Variants in HSPA12A observed in about 807,000 individuals in gnomAD.
HSPA12A encodes the protein heat shock 70 kDa protein 12A.
In HSPA12A, 28 loss-of-function variants were observed where a neutral mutation model predicts 69.2. The observed-to-expected ratio is 0.40, with a 90% CI of 0.30 to 0.55. The LOEUF is 0.55. Ranked by LOEUF, HSPA12A falls within the 20% of genes least tolerant of loss-of-function variation. The pLI is 0.38. For missense variants in HSPA12A, 686 were observed against 900.7 expected, an observed-to-expected ratio of 0.76 and a Z score of 3.05; for synonymous variants, 345 against 370.5, an observed-to-expected ratio of 0.93 and a Z score of 0.79.
intron 2 of HSPA12A, among the ~76,000 whole-genome samples, chr10:116,816,627 A>G (rs1367074180): frequency 6.6e-6 from 1 of 152,184 alleles, no homozygotes; most frequent in Non-Finnish European, 1.5e-5. Flanking sequence ...CTCACGTAAA[A>G]CAGCCCCGAC....
At chr10:116,695,862 G>C (rs530456002) in intron 5 of HSPA12A, among the ~76,000 whole-genome samples, 13 of 151,394 alleles carry the variant, frequency 8.6e-5, no homozygotes, top group Middle Eastern at 3.4e-3. Context: ...AATTAGCTGG[G>C]CATGGTGGCA....
intron 2 of HSPA12A, among the ~76,000 whole-genome samples, chr10:116,803,759 G>C (rs1224803973): frequency 6.6e-6 from 1 of 152,216 alleles, no homozygotes; most frequent in African/African-American, 2.4e-5. Flanking sequence ...AGGGATGTGA[G>C]CTTGACGAAG....
intron 2 of HSPA12A, among the ~76,000 whole-genome samples, chr10:116,779,100 T>A (rs1564817057): frequency 6.6e-6 from 1 of 152,180 alleles, no homozygotes; most frequent in Non-Finnish European, 1.5e-5. Flanking sequence ...TCCAACCAAG[T>A]GCCATCACTC....
intron 9 of HSPA12A, 74 bp from the exon 10 acceptor site, chr10:116,679,835 GCCCA>G: frequency 1.3e-6 from 2 of 1,521,380 alleles, no homozygotes; most frequent in Non-Finnish European, 1.8e-6. Context: ...TGAGAAACAG[GCCCA>G]CCTGTTCATC....
chr10:116,739,118 C>A (rs1449001716), intron 1 of HSPA12A, among the ~76,000 whole-genome samples: 1 of 152,160 alleles, frequency 6.6e-6, no homozygotes, highest in Admixed American at 6.5e-5. Context: ...CAACACAAGT[C>A]CCTGAGGGCC....
intron 2 of HSPA12A, among the ~76,000 whole-genome samples, chr10:116,789,882 C>T (rs1025543970): frequency 2.0e-5 from 3 of 151,980 alleles, no homozygotes; most frequent in African/African-American, 7.3e-5. Context: ...CCCAGACGTC[C>T]CTCTTAAGGT....
chr10:116,708,993 A>G (rs1850343560), intron 1 of HSPA12A, among the ~76,000 whole-genome samples: 1 of 152,226 alleles, frequency 6.6e-6, no homozygotes, highest in South Asian at 2.1e-4. Context: ...AGTTCCTCAA[A>G]AAGTCAAGTA....
intron 1 of HSPA12A, among the ~76,000 whole-genome samples, chr10:116,727,026 T>A (rs1479299347): frequency 6.6e-6 from 1 of 150,524 alleles, no homozygotes; most frequent in Non-Finnish European, 1.5e-5. Flanking sequence ...TAACAAAGTG[T>A]TATCACATTT....
intron 2 of HSPA12A, among the ~76,000 whole-genome samples, chr10:116,809,667 A>G (rs954888424): frequency 3.9e-5 from 6 of 152,222 alleles, no homozygotes; most frequent in African/African-American, 1.4e-4. Flanking sequence ...CCTGGGATTC[A>G]GGAAAATTGG....
intron 2 of HSPA12A, among the ~76,000 whole-genome samples, chr10:116,804,126 C>T (rs184706075): frequency 1.3e-5 from 2 of 152,306 alleles, no homozygotes; most frequent in East Asian, 3.9e-4. Context: ...TCCCTCCCTC[C>T]CTCTTGTCCT....
chr10:116,728,393 G>C (rs1252972010), intron 1 of HSPA12A, among the ~76,000 whole-genome samples: 1 of 152,192 alleles, frequency 6.6e-6, no homozygotes, highest in African/African-American at 2.4e-5. Context: ...TCTGTACCTG[G>C]AGACAGGATT....
At chr10:116,712,108 C>T (rs143499782) in intron 1 of HSPA12A, among the ~76,000 whole-genome samples, 2 of 152,254 alleles carry the variant, frequency 1.3e-5, no homozygotes, top group East Asian at 3.9e-4. Context: ...TTCTGGGGAA[C>T]AAACAAAAAT....
At chr10:116,696,635 C>G (rs1849913568) in intron 5 of HSPA12A, among the ~76,000 whole-genome samples, 1 of 152,104 alleles carries the variant, frequency 6.6e-6, no homozygotes, top group Non-Finnish European at 1.5e-5. Context: ...CTACTACTAT[C>G]CCGGTGGCCA....
intron 6 of HSPA12A, among the ~76,000 whole-genome samples, chr10:116,687,480 AG>A (rs1849608949): frequency 2.0e-5 from 3 of 152,196 alleles, no homozygotes; most frequent in South Asian, 2.1e-4. Context: ...AGAGGTGAGA[AG>A]AGGCAGCGGA....
chr10:116,720,484 C>T (rs1554884286), intron 1 of HSPA12A, among the ~76,000 whole-genome samples: 1 of 152,230 alleles, frequency 6.6e-6, no homozygotes, highest in East Asian at 1.9e-4. Context: ...TCACTCTTCC[C>T]CTAGATGCTG....
intron 1 of HSPA12A, among the ~76,000 whole-genome samples, chr10:116,739,886 C>T (rs1851427762): frequency 6.6e-6 from 1 of 152,108 alleles, no homozygotes; most frequent in Non-Finnish European, 1.5e-5. Flanking sequence ...CACTCCCCAC[C>T]CCACCCCAAC....
At chr10:116,766,553 C>T (rs1253634411) in intron 2 of HSPA12A, among the ~76,000 whole-genome samples, 1 of 152,186 alleles carries the variant, frequency 6.6e-6, no homozygotes, top group South Asian at 2.1e-4. Context: ...CAGAGACTGC[C>T]TGGTCCCCTT....
chr10:116,849,748 A>G (rs1363289567), upstream of HSPA12A: 1 of 1,489,598 alleles, frequency 6.7e-7, no homozygotes, highest in Non-Finnish European at 9.0e-7. Flanking sequence ...ACCTGGGACA[A>G]GCGCTCTCCT....
intron 2 of HSPA12A, among the ~76,000 whole-genome samples, chr10:116,804,802 A>C (rs1681740): frequency 0.34 from 51,741 of 151,978 alleles, 9,304 homozygotes; most frequent in Middle Eastern, 0.42. Context: ...GGAGAAAAAT[A>C]ATGATTGTGG....
Sources: gnomAD v4.1 joint callset for allele counts (sites outside exome capture counted in the v4.1 genomes callset) on GRCh38, gnomAD v4.1.1 for gene constraint, MANE v1.5 for transcripts, NCBI Gene and HGNC (gene_info 2026-07-23, HGNC 2026-07-21) for gene names.